Variants in RCAN2 observed in about 807,000 individuals in gnomAD.
RCAN2 encodes the protein calcipressin-2.
A neutral mutation model predicts 23.6 loss-of-function variants in RCAN2; 9 were observed. The observed-to-expected ratio is 0.38, with a 90% CI of 0.23 to 0.67. The LOEUF is 0.67. Ranked by LOEUF, RCAN2 falls within the 30% of genes least tolerant of loss-of-function variation. RCAN2 has a pLI of 0.51. For missense variants in RCAN2, 273 were observed against 302.3 expected (o/e 0.90, Z 0.72); for synonymous variants, 109 against 115.7 (o/e 0.94, Z 0.37).
chr6:46,436,444 A>C (rs1262632087), intron 2 of RCAN2, among the ~76,000 whole-genome samples: 2 of 152,148 alleles, frequency 1.3e-5, no homozygotes, highest in African/African-American at 2.4e-5. Context: ...CGAACTCCTG[A>C]CCTCAGGTGA....
intron 2 of RCAN2, among the ~76,000 whole-genome samples, chr6:46,265,509 G>A (rs1767293067): frequency 1.3e-5 from 2 of 152,146 alleles, no homozygotes; most frequent in Non-Finnish European, 2.9e-5. Flanking sequence ...ACAATGCGTT[G>A]TCCAAGCTAG....
chr6:46,328,767 C>T (rs746947260), intron 2 of RCAN2, among the ~76,000 whole-genome samples: 8 of 152,184 alleles, frequency 5.3e-5, no homozygotes, highest in South Asian at 2.1e-4. Flanking sequence ...CGGGCCACCA[C>T]GCCCAGCTAA....
intron 4 of RCAN2, among the ~76,000 whole-genome samples, chr6:46,230,740 C>A (rs549989456): frequency 7.2e-4 from 109 of 152,246 alleles, no homozygotes; most frequent in African/African-American, 2.4e-3. Flanking sequence ...GAGGTGATGC[C>A]CCACCCTGCT....
chr6:46,298,863 C>T (rs1762811340), intron 2 of RCAN2, among the ~76,000 whole-genome samples: 1 of 152,040 alleles, frequency 6.6e-6, no homozygotes, highest in Non-Finnish European at 1.5e-5. Flanking sequence ...AACCAAGATG[C>T]CTATCAACAG....
At chr6:46,475,709 C>T (rs1255680956) in intron 1 of RCAN2, among the ~76,000 whole-genome samples, 2 of 152,122 alleles carry the variant, frequency 1.3e-5, no homozygotes, top group African/African-American at 4.8e-5. Flanking sequence ...TGCTTCCACC[C>T]TCATGGAGCA....
In RCAN2 at chr6:46,430,555, G is replaced by A. The variant is rs1767166765; in HGVS notation, c.225+26197C>T. On this transcript the variant is annotated intron_variant, in intron 2 of 4. Transcript: ENST00000371374. ...AGGAGGAGAATGAAGAGGGAAATAA[G>A]AGGAATATATGAGTGAAAATGCACT... 2.6e-5 allele frequency among the ~76,000 whole-genome samples: 4 copies of A among 152,130 alleles called. No homozygotes were observed. The South Asian group carries it at 8.3e-4, about 31-fold the overall frequency.
intron 4 of RCAN2, among the ~76,000 whole-genome samples, chr6:46,243,539 G>T (rs1056027133): frequency 1.2e-4 from 18 of 152,056 alleles, no homozygotes; most frequent in African/African-American, 4.1e-4. Flanking sequence ...GGCCTAGCGC[G>T]GTGGCTCATG....
At chr6:46,489,015 AT>A (rs1769067782) in intron 1 of RCAN2, among the ~76,000 whole-genome samples, 1 of 152,242 alleles carries the variant, frequency 6.6e-6, no homozygotes, top group Non-Finnish European at 1.5e-5. Context: ...TAAGGGCCAC[AT>A]GGTTTCTCCT....
intron 2 of RCAN2, among the ~76,000 whole-genome samples, chr6:46,403,431 G>C (rs1349523671): frequency 6.6e-6 from 1 of 152,050 alleles, no homozygotes; most frequent in African/African-American, 2.4e-5. Flanking sequence ...AATTAGCTGG[G>C]CATGGTGGCA....
At chr6:46,266,658 C>T (rs888278723) in intron 2 of RCAN2, among the ~76,000 whole-genome samples, 6 of 152,164 alleles carry the variant, frequency 3.9e-5, no homozygotes, top group African/African-American at 7.2e-5. Context: ...TCAGGCTTTG[C>T]GTCATGGATA....
chr6:46,392,404 T>C (rs1208962140), intron 2 of RCAN2, among the ~76,000 whole-genome samples: 1 of 152,192 alleles, frequency 6.6e-6, no homozygotes, highest in Non-Finnish European at 1.5e-5. Context: ...AGCTGTTAAA[T>C]ATTTCTTGGA....
At chr6:46,474,484 C>A (rs1768656189) in intron 1 of RCAN2, among the ~76,000 whole-genome samples, 1 of 152,118 alleles carries the variant, frequency 6.6e-6, no homozygotes, top group Non-Finnish European at 1.5e-5. Flanking sequence ...TAACAAAATT[C>A]TCTAGCAGCT....
chr6:46,375,956 C>A (rs1221210188), intron 2 of RCAN2, among the ~76,000 whole-genome samples: 1 of 152,214 alleles, frequency 6.6e-6, no homozygotes, highest in Non-Finnish European at 1.5e-5. Context: ...TTCTATGACA[C>A]TATACATGCT....
intron 4 of RCAN2, among the ~76,000 whole-genome samples, chr6:46,223,636 T>C (rs1202491475): frequency 1.3e-5 from 2 of 152,218 alleles, no homozygotes; most frequent in Admixed American, 1.3e-4. Flanking sequence ...TTAGTTTCTC[T>C]TCTATTTTCC....
At chr6:46,409,174 T>C (rs759256042) in intron 2 of RCAN2, among the ~76,000 whole-genome samples, 4 of 152,208 alleles carry the variant, frequency 2.6e-5, no homozygotes, top group East Asian at 1.9e-4. Flanking sequence ...TGGTCTAACA[T>C]GATTTCTCAA....
At chr6:46,298,904 A>AC (rs1398251871) in intron 2 of RCAN2, among the ~76,000 whole-genome samples, 1 of 152,054 alleles carries the variant, frequency 6.6e-6, no homozygotes, top group Non-Finnish European at 1.5e-5. Context: ...TGCTTTATAT[A>AC]CCCCATGGAA....
intron 1 of RCAN2, 69 bp from the exon 2 acceptor site, chr6:46,457,047 G>T: frequency 9.4e-7 from 1 of 1,063,878 alleles, no homozygotes; most frequent in Non-Finnish European, 1.4e-6. Flanking sequence ...TCGGGTCACA[G>T]TTTTGTATTG....
chr6:46,478,880 C>G (rs1768782308), intron 1 of RCAN2, among the ~76,000 whole-genome samples: 1 of 152,176 alleles, frequency 6.6e-6, no homozygotes, highest in Non-Finnish European at 1.5e-5. Context: ...AGCCCAAATT[C>G]ACAAATCTTT....
chr6:46,307,085 T>G (rs1479748327), intron 2 of RCAN2, among the ~76,000 whole-genome samples: 1 of 152,114 alleles, frequency 6.6e-6, no homozygotes, highest in Non-Finnish European at 1.5e-5. Flanking sequence ...AGAACTAGCT[T>G]GTGTCTACCC....
Sources: gnomAD v4.1 joint callset for allele counts (sites outside exome capture counted in the v4.1 genomes callset) on GRCh38, gnomAD v4.1.1 for gene constraint, MANE v1.5 for transcripts, NCBI Gene and HGNC (gene_info 2026-07-23, HGNC 2026-07-21) for gene names.